RYR1: variants seen among roughly 807,000 people sequenced by gnomAD.
RYR1 encodes central core disease of muscle.
RYR1 carries 342 observed loss-of-function variants against 583.5 expected under a neutral mutation model. That is an observed-to-expected ratio of 0.59 (90% CI 0.54 to 0.64). The LOEUF (loss-of-function observed/expected upper bound fraction) is 0.64. Among genes scored for constraint, RYR1 ranks in the 30% least tolerant of loss-of-function variants. RYR1 has a pLI of 0.00. For synonymous variants in RYR1, 2,791 were observed against 2,822.5 expected, an observed-to-expected ratio of 0.99 and a Z score of 0.35; for missense variants, 6,032 against 6,917.2, an observed-to-expected ratio of 0.87 and a Z score of 4.54.
chr19:38,517,792 AG>A, intron 66 of RYR1, 101 bp downstream of exon 66: 1 of 1,180,620 alleles, frequency 8.5e-7, no homozygotes, highest in East Asian at 2.4e-5. Flanking sequence ...CGGAGTTGGG[AG>A]GAGTCAGAGT....
At position 38,472,388 on chromosome 19, in the gene RYR1, A is replaced by T. The variant is rs58183907; in HGVS notation, c.3766-989A>T. Among the ~76,000 whole-genome samples, 1,039 of 152,272 alleles carry T rather than the reference A, an allele frequency of 6.8e-3. 12 individuals are homozygous for T. Among genetic ancestry groups the T allele is most frequent in the African/African-American group, 0.024 (994 of 41,558 alleles). The stretch of plus-strand genomic sequence containing the variant: ...AGTGCTGGGATTACAGGCATGAGCC[A>T]CTGCGCCCTGTCGCTATTTGTGGAA... On this transcript the variant is annotated intron_variant, in intron 27 of 105. Transcript: ENST00000359596.
chr19:38,503,280 T>G (rs1197799373), intron 49 of RYR1, among the ~76,000 whole-genome samples: 1 of 152,230 alleles, frequency 6.6e-6, no homozygotes, highest in African/African-American at 2.4e-5. Flanking sequence ...TTAGCATGTT[T>G]ATTTGCATGC....
intron 83 of RYR1, 70 bp downstream of exon 83, chr19:38,536,837 A>C: frequency 1.3e-6 from 2 of 1,490,978 alleles, no homozygotes; most frequent in Non-Finnish European, 1.9e-6. Context: ...CCACCCCTCC[A>C]CCTAGGGGCT....
At position 38,496,628 on chromosome 19, in the gene RYR1, C is replaced by A; in HGVS notation, c.6796+87C>A. 6.6e-7 allele frequency: 1 copy of A among 1,522,278 alleles called. No homozygotes were observed. The highest frequency in any genetic ancestry group is 9.1e-7 in the Non-Finnish European group (1 of 1,100,758). The allele number at this position is 1,522,278 out of a possible 1,614,324, so 94.3% of individuals were successfully genotyped here. On this transcript the variant is annotated intron_variant, in intron 41 of 105. Transcript: ENST00000359596. This position sits in a 1 kb window ranked among gnomAD's most constrained non-coding sequence, Gnocchi z 4.8. The stretch of plus-strand genomic sequence containing the variant: ...CTGCCCCACTTTCCACCAGCTCACT[C>A]ATTCAACAAACACTCCCTCTCAACT...
chr19:38,490,320 C>T, intron 36 of RYR1, 44 bp downstream of exon 36: 2 of 1,556,232 alleles, frequency 1.3e-6, no homozygotes, highest in Non-Finnish European at 1.8e-6. Flanking sequence ...GTCTAAACCC[C>T]AACCTCAACA....
At position 38,464,462 on chromosome 19, in the gene RYR1, G is replaced by C. The variant is rs541321802; in HGVS notation, c.2787-177G>C. Among the ~76,000 whole-genome samples the C allele has an allele frequency of 1.6e-4, 25 of 152,166 alleles. No individual in the cohort carries two copies. The East Asian group carries it at 4.8e-3, about 29-fold the overall frequency. On this transcript the variant is annotated intron_variant, in intron 22 of 105. Coordinates refer to ENST00000359596, the MANE Select transcript of RYR1 (RefSeq NM_000540.3). ...ACATAGTTAGTTATACAGACAAGGC[G>C]CAGGGAAAGACAGAAGTCATGAAGC...
At chr19:38,468,882 A>G (rs1191781092) in intron 25 of RYR1, 84 bp from the exon 26 acceptor site, 3 of 1,425,078 alleles carry the variant, frequency 2.1e-6, no homozygotes, top group African/African-American at 1.4e-5. Flanking sequence ...GTCTGTCTTC[A>G]TATATCTCTC....
rs573400855 is a variant in RYR1 at position 38,507,050 on chromosome 19, C to T, written c.8816+98C>T. The T allele has an allele frequency of 2.5e-4, 392 of 1,570,862 alleles. 4 individuals carry two copies. The African/African-American group carries it at 4.8e-3, about 19-fold the overall frequency. On this transcript the variant is annotated intron_variant, in intron 57 of 105. Transcript: ENST00000359596. ...CAGAGAGGGGTGGAGCCGAGAGGAACGGGGCCTGAGGAGCAAAGATGGAAC... is the reference window on the plus strand; with the variant it reads ...CAGAGAGGGGTGGAGCCGAGAGGAATGGGGCCTGAGGAGCAAAGATGGAAC...
intron 31 of RYR1, among the ~76,000 whole-genome samples, chr19:38,479,995 C>T (rs1001338464): frequency 6.6e-6 from 1 of 151,972 alleles, no homozygotes; most frequent in African/African-American, 2.4e-5. Context: ...GCTGGGATTG[C>T]AGGCGTGAGC....
chr19:38,462,689 A>G (rs1600698646), intron 20 of RYR1, among the ~76,000 whole-genome samples: 1 of 152,284 alleles, frequency 6.6e-6, no homozygotes, highest in Non-Finnish European at 1.5e-5. Flanking sequence ...TGATCCTCAT[A>G]CGGAGAAGGA....
chr19:38,494,540 C>G lies in RYR1; in HGVS notation c.6463C>G (p.Leu2155Val). 6.2e-7 allele frequency: 1 copy of G among 1,614,084 alleles called. No homozygotes were observed. The highest frequency in any genetic ancestry group is 8.5e-7 in the Non-Finnish European group (1 of 1,180,036). ...GTCCTCCGTGGAAGACACCATGAGC[C>G]TGCTCGAGTGCCTCGGCCAGATCCG... ...SPSSVEDTMSLLECLGQIRSL... is the reference protein window; with the variant it reads ...SPSSVEDTMSVLECLGQIRSL... The change falls in exon 39 of 106, where the codon CTG (leucine) becomes GTG (valine). Residue 2155 changes from leucine to valine, a missense_variant. Around this residue, in one of 11 missense-constraint regions of RYR1, gnomAD observed 2,627 missense variants for 2,961.3 expected, o/e 0.89. Coordinates refer to ENST00000359596, the MANE Select transcript of RYR1 (RefSeq NM_000540.3).
In RYR1 at chr19:38,443,671, C is replaced by A. The variant is rs769145749; in HGVS notation, c.345+39C>A. 3.1e-6 allele frequency: 5 copies of A among 1,613,456 alleles called. No individual in the cohort carries two copies. In the African/African-American group the frequency reaches 6.7e-5, roughly 22 times the overall value. On this transcript the variant is annotated intron_variant, in intron 4 of 105. Transcript: ENST00000359596. ...CGGTGGGCGTGGGCAGGGGCCAGGG[C>A]ATGTGGGGCCTGCTAGAAGGAGGCT...
chr19:38,471,960 G>A (rs1968444890), intron 27 of RYR1, among the ~76,000 whole-genome samples: 2 of 151,832 alleles, frequency 1.3e-5, no homozygotes, highest in Non-Finnish European at 2.9e-5. Context: ...CAGTTTTAGG[G>A]CAAATTCATT....
At chr19:38,446,103 C>T (rs1600648481) in intron 7 of RYR1, among the ~76,000 whole-genome samples, 1 of 152,138 alleles carries the variant, frequency 6.6e-6, no homozygotes, top group African/African-American at 2.4e-5. Context: ...AACCTCAACC[C>T]TAGAACTCAG....
chr19:38,456,710 ACATTTATTCAGT>A (rs1967414300), intron 16 of RYR1, among the ~76,000 whole-genome samples: 1 of 151,318 alleles, frequency 6.6e-6, no homozygotes, highest in Non-Finnish European at 1.5e-5. Flanking sequence ...ACCACTTCAC[ACATTTATTCAGT>A]CGGAGCAAAA....
chr19:38,504,734 C>A lies in RYR1; in HGVS notation c.8068-14C>A, dbSNP rs57376136. 6.2e-7 allele frequency: 1 copy of A among 1,613,852 alleles called. No homozygotes were observed. Among genetic ancestry groups the A allele is most frequent in the Non-Finnish European group, 8.5e-7 (1 of 1,180,000 alleles). On this transcript the variant is annotated splice_polypyrimidine_tract_variant and intron_variant, in intron 50 of 105. Coordinates refer to ENST00000359596, the MANE Select transcript of RYR1 (RefSeq NM_000540.3). ...ATAGCGACCTCCTACCCCTGCTTCA[C>A]CCGGTTTTCCCAGAAATACGACCCG... is the stretch of plus-strand genomic sequence containing the variant.
chr19:38,512,815 AAAATTT>A lies in RYR1; in HGVS notation c.9472+336_9472+341del, dbSNP rs1163172060. Among the ~76,000 whole-genome samples the A allele has an allele frequency of 6.6e-6, 1 of 151,696 alleles. No homozygotes were observed. The highest frequency in any genetic ancestry group is 1.5e-5 in the Non-Finnish European group (1 of 67,944). ...CCTGTCTCTACTAAAAAAAAAAAGA[AAAATTT>A]AAAGATTAGCCAGGCATGGAGGCAC... On this transcript the variant is annotated intron_variant, in intron 63 of 105. Coordinates refer to ENST00000359596, the MANE Select transcript of RYR1 (RefSeq NM_000540.3). This position sits in a 1 kb window ranked among gnomAD's most constrained non-coding sequence, Gnocchi z 5.1.
At chr19:38,520,460 C>T (rs1293157310) in intron 67 of RYR1, among the ~76,000 whole-genome samples, 3 of 150,438 alleles carry the variant, frequency 2.0e-5, no homozygotes, top group East Asian at 2.0e-4. Flanking sequence ...TTTGGGAGGC[C>T]GAGGTGGGCA....
In RYR1 at chr19:38,496,316, G is replaced by A; in HGVS notation, c.6650G>A (p.Gly2217Asp). The A allele has an allele frequency of 1.9e-6, 3 of 1,614,058 alleles. No homozygotes were observed. The highest frequency in any genetic ancestry group is 1.7e-6 in the Non-Finnish European group (2 of 1,180,042). The change falls in exon 40 of 106, where the codon GGC (glycine) becomes GAC (aspartate). Residue 2217 changes from glycine to aspartate, a missense_variant. Coordinates refer to ENST00000359596, the MANE Select transcript of RYR1 (RefSeq NM_000540.3). This position sits in a 1 kb window ranked among gnomAD's most constrained non-coding sequence, Gnocchi z 4.8. ...VMEVMVNVLG[G>D]GESKEIRFPK... Reference sequence around the variant, plus strand: ...GAGGTCATGGTCAACGTCCTCGGGGGCGGCGAGTCCAAGGTGAGGGCCCAG... The same window carrying A: ...GAGGTCATGGTCAACGTCCTCGGGGACGGCGAGTCCAAGGTGAGGGCCCAG...
Sources: gnomAD v4.1 joint callset for allele counts (sites outside exome capture counted in the v4.1 genomes callset) on GRCh38, gnomAD v4.1.1 for gene constraint, gnomAD v4.1.1 regional missense constraint, Gnocchi (gnomAD v3.1) non-coding constraint, MANE v1.5 for transcripts, NCBI Gene and HGNC (gene_info 2026-07-23, HGNC 2026-07-21) for gene names.